ABCC9: variants seen among roughly 807,000 people sequenced by gnomAD.
The protein encoded by ABCC9 is ATP-binding cassette sub-family C member 9.
ABCC9 carries 95 observed loss-of-function variants against 188.3 expected under a neutral mutation model. The observed-to-expected ratio is 0.50, with a 90% CI of 0.43 to 0.60. The LOEUF is 0.60. ABCC9 is among the 20% of genes least tolerant of loss of function. ABCC9 has a pLI of 0.00. For missense variants in ABCC9, 1,102 were observed against 1,876.3 expected (o/e 0.59, Z 7.62); for synonymous variants, 659 against 652.7 (o/e 1.01, Z -0.15).
intron 14 of ABCC9, among the ~76,000 whole-genome samples, chr12:21,892,276 A>G (rs1947194654): frequency 6.6e-6 from 1 of 152,126 alleles, no homozygotes; most frequent in African/African-American, 2.4e-5. Flanking sequence ...TTTTTTTTTA[A>G]TCAAGTCAAA....
At chr12:21,881,710 A>ACACACG (rs1286861271) in intron 16 of ABCC9, among the ~76,000 whole-genome samples, 1 of 150,500 alleles carries the variant, frequency 6.6e-6, no homozygotes, top group Non-Finnish European at 1.5e-5. Flanking sequence ...AGGGAACAAC[A>ACACACG]CACACACACA....
intron 18 of ABCC9, among the ~76,000 whole-genome samples, chr12:21,871,814 C>A (rs1296589244): frequency 6.6e-6 from 1 of 152,114 alleles, no homozygotes; most frequent in Non-Finnish European, 1.5e-5. Flanking sequence ...CAGACATTGC[C>A]AAATGTCCCC....
intron 16 of ABCC9, among the ~76,000 whole-genome samples, chr12:21,876,327 A>G (rs953459768): frequency 6.6e-6 from 1 of 151,674 alleles, no homozygotes; most frequent in African/African-American, 2.4e-5. Flanking sequence ...CTCTACATTA[A>G]TTATTTTCTC....
At chr12:21,911,058 A>G in intron 8 of ABCC9, 80 bp from the exon 9 acceptor site, 3 of 1,318,480 alleles carry the variant, frequency 2.3e-6, no homozygotes, top group Non-Finnish European at 3.2e-6. Context: ...TTATTAAAAG[A>G]TACATAATAT....
chr12:21,810,081 G>A, intron 36 of ABCC9, 126 bp from the exon 37 acceptor site: 2 of 684,844 alleles, frequency 2.9e-6, no homozygotes, highest in Non-Finnish European at 5.2e-6. Flanking sequence ...TGTATATTCA[G>A]CACCTAGAAC....
At chr12:21,863,104 T>G in intron 19 of ABCC9, 50 bp from the exon 20 acceptor site, 2 of 1,157,828 alleles carry the variant, frequency 1.7e-6, no homozygotes, top group South Asian at 2.6e-5. Context: ...GCAAAGGTAC[T>G]GTGCGTGTAT....
intron 14 of ABCC9, among the ~76,000 whole-genome samples, chr12:21,889,896 T>G (rs972493180): frequency 6.6e-6 from 1 of 152,098 alleles, no homozygotes; most frequent in African/African-American, 2.4e-5. Flanking sequence ...TCCCCTCCCA[T>G]GTCCCCAGTC....
chr12:21,915,746 C>T lies in ABCC9; in HGVS notation c.738G>A (p.Lys246=). 1.2e-6 allele frequency: 2 copies of T among 1,612,708 alleles called. No individual in the cohort carries two copies. Among genetic ancestry groups the T allele is most frequent in the Non-Finnish European group, 1.7e-6 (2 of 1,179,618 alleles). Residue 246 remains lysine, a synonymous_variant, in exon 7 of 40, where the codon AAG becomes AAA. Transcript: ENST00000261200. ...ISAHKKPIDL[K]AIGKLPIAMR... is the part of the protein sequence containing the mutation. ...TTGCTATTGGCAATTTTCCAATTGC[C>T]TTCAGATCAATAGGCTTTTTGTGAG...
At chr12:21,922,346 G>T (rs1948856210) in intron 5 of ABCC9, among the ~76,000 whole-genome samples, 1 of 151,712 alleles carries the variant, frequency 6.6e-6, no homozygotes, top group Admixed American at 6.6e-5. Flanking sequence ...TTATTGATTT[G>T]CAAATGTTGA....
At chr12:21,903,314 G>C (rs1471490827) in intron 12 of ABCC9, among the ~76,000 whole-genome samples, 1 of 152,136 alleles carries the variant, frequency 6.6e-6, no homozygotes, top group Non-Finnish European at 1.5e-5. Flanking sequence ...CAAACCCACA[G>C]CCAATATCAT....
Position 21,814,221 on chromosome 12 carries a change from G to A in ABCC9, c.4102+423C>T, listed in dbSNP as rs116841959. On this transcript the variant is annotated intron_variant, in intron 35 of 39. Coordinates refer to ENST00000261200, the MANE Select transcript of ABCC9 (RefSeq NM_020297.4). Reference sequence around the variant, plus strand: ...TGTTATTAAGCAGATGATGGTAAGAGTCATGTACCAAAATTTAAAATGCAG... The same window carrying A: ...TGTTATTAAGCAGATGATGGTAAGAATCATGTACCAAAATTTAAAATGCAG... Among the ~76,000 whole-genome samples, 106 of 152,244 alleles carry A rather than the reference G, an allele frequency of 7.0e-4. No individual in the cohort carries two copies. In the East Asian group the frequency reaches 0.019, roughly 27 times the overall value.
intron 30 of ABCC9, among the ~76,000 whole-genome samples, chr12:21,829,773 C>T (rs1205631584): frequency 6.6e-6 from 1 of 152,146 alleles, no homozygotes; most frequent in Non-Finnish European, 1.5e-5. Context: ...TATTTTGTGG[C>T]ATTTATTTTA....
At chr12:21,895,340 A>C (rs1381113724) in intron 12 of ABCC9, 25 bp from the exon 13 acceptor site, 2 of 1,601,104 alleles carry the variant, frequency 1.2e-6, no homozygotes, top group African/African-American at 2.7e-5. Flanking sequence ...AAAATGCATT[A>C]GTTTCATTGA....
chr12:21,903,075 A>T (rs1256140088), intron 12 of ABCC9, among the ~76,000 whole-genome samples: 7 of 152,222 alleles, frequency 4.6e-5, no homozygotes, highest in Admixed American at 4.6e-4. Context: ...CCAGCAGCAC[A>T]TCAAAAATCT....
At chr12:21,861,119 C>A in intron 20 of ABCC9, 64 bp from the exon 21 acceptor site, 1 of 1,261,368 alleles carries the variant, frequency 7.9e-7, no homozygotes, top group Non-Finnish European at 1.2e-6. Context: ...AACTAAGTGC[C>A]AAATTCAATA....
chr12:21,930,648 A>G (rs938648674), intron 4 of ABCC9, among the ~76,000 whole-genome samples: 1 of 152,210 alleles, frequency 6.6e-6, no homozygotes, highest in Admixed American at 6.5e-5. Flanking sequence ...AATATGTGCA[A>G]ACGTGCACAG....
intron 5 of ABCC9, among the ~76,000 whole-genome samples, chr12:21,919,731 A>G (rs968495389): frequency 2.6e-5 from 4 of 152,068 alleles, no homozygotes; most frequent in Admixed American, 2.0e-4. Context: ...AAAGTCTTTC[A>G]GAAAAATAGA....
At chr12:21,860,297 G>A (rs1468617013) in intron 21 of ABCC9, among the ~76,000 whole-genome samples, 1 of 152,188 alleles carries the variant, frequency 6.6e-6, no homozygotes, top group Non-Finnish European at 1.5e-5. Context: ...CAGCCATTAA[G>A]AACAAAGGCC....
chr12:21,850,565 C>T (rs566654981), intron 24 of ABCC9, among the ~76,000 whole-genome samples: 1 of 152,264 alleles, frequency 6.6e-6, no homozygotes, highest in African/African-American at 2.4e-5. Context: ...AATTATACAG[C>T]TATGCTATCT....
Sources: allele counts gnomAD v4.1 joint callset (sites outside exome capture counted in the v4.1 genomes callset), GRCh38; gene constraint gnomAD v4.1.1; transcripts MANE v1.5; gene names NCBI Gene and HGNC (gene_info 2026-07-23, HGNC 2026-07-21).